SCUBE1: variants seen among roughly 807,000 people sequenced by gnomAD.
The protein encoded by SCUBE1 is signal peptide, CUB domain and EGF like domain containing 1, also known as signal peptide, CUB and EGF-like domain-containing protein 1.
In SCUBE1, 59 loss-of-function variants were observed where a neutral mutation model predicts 124.4. That is an observed-to-expected ratio of 0.47 (90% confidence interval 0.38 to 0.59). SCUBE1 has a LOEUF of 0.59. SCUBE1 is among the 20% of genes least tolerant of loss of function. The probability of loss-of-function intolerance (pLI) is 0.00; values close to 1 mark genes in which losing one functional copy is unlikely to be tolerated. For missense variants in SCUBE1, 1,150 were observed against 1,371.2 expected, an observed-to-expected ratio of 0.84 and a Z score of 2.55; for synonymous variants, 545 against 550.9, an observed-to-expected ratio of 0.99 and a Z score of 0.15.
chr22:43,201,317 A>G lies in SCUBE1; in HGVS notation c.*2680T>C, dbSNP rs1921001431. ...AGACTCCATCTCAAAAAAAAAAAAA[A>G]AAAAAAAAAAGAAAACAAAAAAAGA... On this transcript the variant is annotated 3_prime_UTR_variant, in exon 22 of 22. Coordinates refer to ENST00000360835, the MANE Select transcript of SCUBE1 (RefSeq NM_173050.5). 1 of 149,914 alleles carries G rather than the reference A, an allele frequency of 6.7e-6. No individual in the cohort carries two copies. The highest frequency in any genetic ancestry group is 2.5e-5 in the African/African-American group (1 of 40,592). The allele number at this position is 149,914 out of a possible 1,614,324, so 9.3% of individuals were successfully genotyped here. A position where few individuals can be genotyped will look rare whatever the true frequency, so the allele number is the denominator to read the frequency against.
At chr22:43,324,987 T>C (rs966332631) in intron 2 of SCUBE1, among the ~76,000 whole-genome samples, 5 of 149,484 alleles carry the variant, frequency 3.3e-5, no homozygotes, top group African/African-American at 1.2e-4. Flanking sequence ...ACAATGCTGC[T>C]GTCCTAAGAA....
At chr22:43,268,629 C>T (rs1924168628) in intron 4 of SCUBE1, among the ~76,000 whole-genome samples, 1 of 152,244 alleles carries the variant, frequency 6.6e-6, no homozygotes, top group South Asian at 2.1e-4. Flanking sequence ...CTGGGCAAGC[C>T]CTTCACCCCT....
intron 3 of SCUBE1, among the ~76,000 whole-genome samples, chr22:43,291,840 T>G (rs1172148662): frequency 2.6e-5 from 4 of 152,198 alleles, no homozygotes; most frequent in African/African-American, 9.7e-5. Context: ...GTAAGTCAGA[T>G]CCAGGTACCA....
chr22:43,221,836 G>C (rs1014564495), intron 12 of SCUBE1, among the ~76,000 whole-genome samples: 4 of 152,186 alleles, frequency 2.6e-5, no homozygotes, highest in African/African-American at 9.7e-5. Context: ...GGCCGAGGCA[G>C]GCGGATCACT....
chr22:43,224,881 T>C (rs1922241534), intron 10 of SCUBE1, among the ~76,000 whole-genome samples: 1 of 152,170 alleles, frequency 6.6e-6, no homozygotes, highest in African/African-American at 2.4e-5. Context: ...GAATTTAGAC[T>C]ATTATCCTAA....
At chr22:43,326,212 C>T (rs1926722212) in intron 2 of SCUBE1, among the ~76,000 whole-genome samples, 1 of 152,152 alleles carries the variant, frequency 6.6e-6, no homozygotes, top group African/African-American at 2.4e-5. Flanking sequence ...TTTTTCTAGA[C>T]ATTCCTCAAG....
chr22:43,261,024 GC>G (rs1923852274), intron 5 of SCUBE1, among the ~76,000 whole-genome samples: 1 of 152,264 alleles, frequency 6.6e-6, no homozygotes, highest in Admixed American at 6.5e-5. Flanking sequence ...CCCAGTTGGA[GC>G]AGGCCCTCGG....
In SCUBE1 at chr22:43,212,494, A is replaced by G; in HGVS notation, c.2152T>C (p.Phe718Leu). ...YQPEPGRTGC[F>L]PCGGGLLTKH... is the part of the protein sequence containing the mutation. Reference sequence around the variant, plus strand: ...GTGAGCAAACCCCCTCCACAGGGGAAGCAGCCGGTGCGCCCGGGCTCAGGC... The same window carrying G: ...GTGAGCAAACCCCCTCCACAGGGGAGGCAGCCGGTGCGCCCGGGCTCAGGC... Residue 718 changes from phenylalanine (F) to leucine (L), a missense_variant, in exon 17 of 22, where the codon TTC becomes CTC. Around this residue, in one of 3 missense-constraint regions of SCUBE1, gnomAD observed 757 missense variants for 840.9 expected, o/e 0.90. Transcript: ENST00000360835. The G allele has an allele frequency of 1.3e-6, 2 of 1,555,552 alleles. No individual in the cohort carries two copies. Among genetic ancestry groups the G allele is most frequent in the African/African-American group, 2.7e-5 (2 of 73,416 alleles).
intron 3 of SCUBE1, among the ~76,000 whole-genome samples, chr22:43,296,256 G>A (rs1476421564): frequency 6.6e-6 from 1 of 152,236 alleles, no homozygotes; most frequent in Non-Finnish European, 1.5e-5. Context: ...AAACATTTGT[G>A]CAGCCTGACA....
Position 43,210,281 on chromosome 22 carries a change from G to A in SCUBE1, c.2384-41C>T. ...CCCGAGGGCCTCATCAGGCTCTGCTGGGCAGGGGCCCTGGCCGGCCAGGCC... is the reference window on the plus strand; with the variant it reads ...CCCGAGGGCCTCATCAGGCTCTGCTAGGCAGGGGCCCTGGCCGGCCAGGCC... On this transcript the variant is annotated intron_variant, in intron 18 of 21. Coordinates refer to ENST00000360835, the MANE Select transcript of SCUBE1 (RefSeq NM_173050.5). This position sits in a 1 kb window ranked among gnomAD's most constrained non-coding sequence, Gnocchi z 4.5. 1 of 1,471,842 alleles carries A rather than the reference G, an allele frequency of 6.8e-7. No homozygotes were observed. The highest frequency in any genetic ancestry group is 9.0e-7 in the Non-Finnish European group (1 of 1,114,832). The allele number at this position is 1,471,842 out of a possible 1,614,324, so 91.2% of individuals were successfully genotyped here. A position where few individuals can be genotyped will look rare whatever the true frequency, so the allele number is the denominator to read the frequency against.
intron 3 of SCUBE1, among the ~76,000 whole-genome samples, chr22:43,295,979 G>C (rs566003222): frequency 6.6e-6 from 1 of 151,046 alleles, no homozygotes; most frequent in East Asian, 2.1e-4. Context: ...AAGGCTCATG[G>C]AAGGGGCAGG....
In SCUBE1 at chr22:43,198,534, A is replaced by G. The variant is rs1272689900; in HGVS notation, c.*5463T>C. On this transcript the variant is annotated 3_prime_UTR_variant, in exon 22 of 22. Transcript: ENST00000360835. ...GCAGAGGCAGCCGCGGTAGAATAGG[A>G]GGCGCTCTCTGCTCTCTCTCCACAT... is the stretch of plus-strand genomic sequence containing the variant. 2.2e-6 allele frequency: 1 copy of G among 456,586 alleles called. No homozygotes were observed. Among genetic ancestry groups the G allele is most frequent in the Non-Finnish European group, 4.4e-6 (1 of 226,924 alleles). The allele number at this position is 456,586 out of a possible 1,614,324, so 28.3% of individuals were successfully genotyped here.
rs1238990830 is a variant in SCUBE1, at chr22:43,198,992, G to A, written c.*5005C>T. The stretch of plus-strand genomic sequence containing the variant: ...GTCTGCTGTCCGGGGCAACGTGTCT[G>A]TCTGTCTGCTGTCCGGGGCAGTGTG... On this transcript the variant is annotated 3_prime_UTR_variant, in exon 22 of 22. Transcript: ENST00000360835. 2 of 361,100 alleles carry A rather than the reference G, an allele frequency of 5.5e-6. No individual in the cohort carries two copies. Among genetic ancestry groups the A allele is most frequent in the South Asian group, 2.1e-5 (1 of 48,208 alleles). The allele number at this position is 361,100 out of a possible 1,614,324, so 22.4% of individuals were successfully genotyped here. A position where few individuals can be genotyped will look rare whatever the true frequency, so the allele number is the denominator to read the frequency against.
intron 14 of SCUBE1, among the ~76,000 whole-genome samples, chr22:43,219,569 G>C (rs892607454): frequency 6.6e-6 from 1 of 151,444 alleles, no homozygotes; most frequent in Non-Finnish European, 1.5e-5. Flanking sequence ...TGCCTCCCAG[G>C]TTCAAGCGAT....
intron 4 of SCUBE1, among the ~76,000 whole-genome samples, chr22:43,281,488 G>GTCACCTCCCTTCTCA (rs1569010806): frequency 1.4e-5 from 1 of 72,542 alleles, no homozygotes; most frequent in African/African-American, 1.3e-4. Context: ...CTCCCTCTTT[G>GTCACCTCCCTTCTCA]GCCACCCTCC....
intron 15 of SCUBE1, among the ~76,000 whole-genome samples, chr22:43,215,639 TGA>T (rs2146660660): frequency 6.6e-6 from 1 of 152,260 alleles, no homozygotes; most frequent in East Asian, 1.9e-4. Context: ...CCCTGGGCCC[TGA>T]GTCAGGTCCC....
chr22:43,198,631 C>T lies in SCUBE1; in HGVS notation c.*5366G>A. On this transcript the variant is annotated 3_prime_UTR_variant, in exon 22 of 22. Transcript: ENST00000360835. ...GTCGGCTCGGCATGGACACCTTGTG[C>T]ATCTTTGGTGAAAAGGGACCTCAAT... The T allele has an allele frequency of 6.6e-6, 3 of 456,752 alleles. No homozygotes were observed. Among genetic ancestry groups the T allele is most frequent in the South Asian group, 1.5e-5 (1 of 64,570 alleles). 28.3% of individuals were successfully genotyped at this position (456,752 alleles called of 1,614,324 possible). A position where few individuals can be genotyped will look rare whatever the true frequency, so the allele number is the denominator to read the frequency against.
chr22:43,233,733 C>T (rs1190694914), intron 7 of SCUBE1: 1 of 152,262 alleles, frequency 6.6e-6, no homozygotes, highest in Non-Finnish European at 1.5e-5. Context: ...ACTTTTTCTT[C>T]TTCAAACCAA....
chr22:43,295,457 GCA>G (rs1242101103), intron 3 of SCUBE1, among the ~76,000 whole-genome samples: 1 of 152,256 alleles, frequency 6.6e-6, no homozygotes, highest in Admixed American at 6.5e-5. Flanking sequence ...AAATGGGATG[GCA>G]CAGTTTGTGC....
Sources: gnomAD v4.1 joint callset for allele counts (sites outside exome capture counted in the v4.1 genomes callset) on GRCh38, gnomAD v4.1.1 for gene constraint, gnomAD v4.1.1 regional missense constraint, Gnocchi (gnomAD v3.1) non-coding constraint, MANE v1.5 for transcripts, NCBI Gene and HGNC (gene_info 2026-07-23, HGNC 2026-07-21) for gene names.